Variants in FNBP1L observed in about 807,000 individuals in gnomAD.
FNBP1L encodes the protein formin-binding protein 1-like.
In FNBP1L, 36 loss-of-function variants were observed where a neutral mutation model predicts 91.2. The ratio of observed to expected loss-of-function variants is 0.39; its 90% CI spans 0.30 to 0.52. The LOEUF (loss-of-function observed/expected upper bound fraction) is 0.52. Ranked by LOEUF, FNBP1L falls within the 20% of genes least tolerant of loss-of-function variation. The pLI, the probability that FNBP1L is intolerant of heterozygous loss-of-function variation, is 0.66. For synonymous variants in FNBP1L, 242 were observed against 237.0 expected (o/e 1.02, Z -0.19); for missense variants, 571 against 732.1 (o/e 0.78, Z 2.54).
intron 1 of FNBP1L, among the ~76,000 whole-genome samples, chr1:93,494,308 C>T (rs981442674): frequency 1.3e-5 from 2 of 152,176 alleles, no homozygotes; most frequent in African/African-American, 4.8e-5. Context: ...ATCTTCTGTT[C>T]CTGTGGAGTT....
chr1:93,466,480 T>G (rs1483707074), intron 1 of FNBP1L, among the ~76,000 whole-genome samples: 1 of 152,198 alleles, frequency 6.6e-6, no homozygotes, highest in Non-Finnish European at 1.5e-5. Context: ...ATTTCTTGTT[T>G]TTGTCAGGTT....
At chr1:93,541,705 A>G (rs538600101) in intron 11 of FNBP1L, among the ~76,000 whole-genome samples, 1 of 152,154 alleles carries the variant, frequency 6.6e-6, no homozygotes, top group African/African-American at 2.4e-5. Flanking sequence ...ATAGGAAGCT[A>G]CTGGAAAATA....
At chr1:93,541,568 C>T (rs1211474024) in intron 11 of FNBP1L, among the ~76,000 whole-genome samples, 6 of 111,292 alleles carry the variant, frequency 5.4e-5, no homozygotes, top group African/African-American at 1.1e-4. Context: ...TCTAAATATC[C>T]TGTGTGTGTT....
intron 2 of FNBP1L, among the ~76,000 whole-genome samples, chr1:93,508,861 A>G (rs545960207): frequency 6.6e-6 from 1 of 152,306 alleles, no homozygotes; most frequent in South Asian, 2.1e-4. Context: ...AGGTACTTAG[A>G]GAAGTGTTTA....
In FNBP1L at chr1:93,532,944, G is replaced by T; in HGVS notation, c.662G>T (p.Arg221Leu). ...IYKQLQEMDE[R>L]RTIKLSECYR... Reference sequence around the variant, plus strand: ...TAGCAACTACAAGAAATGGACGAACGAAGGACTATTAAACTCAGTGAGTGT... The same window carrying T: ...TAGCAACTACAAGAAATGGACGAACTAAGGACTATTAAACTCAGTGAGTGT... The change falls in exon 8 of 17, where the codon CGA becomes CTA. Residue 221 changes from arginine to leucine, a missense_variant. By Grantham distance (102) the Arg-to-Leu change is moderately radical. Around this residue, in one of 5 missense-constraint regions of FNBP1L, gnomAD observed 220 missense variants for 313.6 expected, o/e 0.70. Coordinates refer to ENST00000271234, the MANE Select transcript of FNBP1L (RefSeq NM_001164473.3). The T allele has an allele frequency of 6.2e-7, 1 of 1,604,184 alleles. No individual in the cohort carries two copies. Among genetic ancestry groups the T allele is most frequent in the South Asian group, 1.1e-5 (1 of 88,668 alleles).
chr1:93,545,915 A>G (rs1672210334), intron 12 of FNBP1L, among the ~76,000 whole-genome samples: 1 of 152,110 alleles, frequency 6.6e-6, no homozygotes, highest in South Asian at 2.1e-4. Context: ...AGTTTAGGGC[A>G]AAGATAAAGA....
intron 1 of FNBP1L, among the ~76,000 whole-genome samples, chr1:93,492,252 G>A (rs1018934753): frequency 2.6e-5 from 4 of 152,080 alleles, no homozygotes; most frequent in Non-Finnish European, 4.4e-5. Context: ...AATAGAAAAT[G>A]AATTCTTTAT....
chr1:93,547,426 C>T lies in FNBP1L; in HGVS notation c.1487C>T (p.Thr496Ile). 2 of 1,555,474 alleles carry T rather than the reference C, an allele frequency of 1.3e-6. No homozygotes were observed. ...AGCAGTGACATAAATCATCTTGTAA[C>T]ACAGGGACGAGAAAGGTGATTTTTT... is the stretch of plus-strand genomic sequence containing the variant. Reference protein sequence around the residue: ...RHSSDINHLVTQGRESPEGSY... With the variant: ...RHSSDINHLVIQGRESPEGSY... The change falls in exon 14 of 17, where the codon ACA becomes ATA. Residue 496 changes from threonine (T) to isoleucine (I), a missense_variant. Physicochemically the swap from Thr to Ile is moderately conservative, Grantham distance 89. Around this residue, in one of 5 missense-constraint regions of FNBP1L, gnomAD observed 189 missense variants for 219.7 expected, o/e 0.86. Transcript: ENST00000271234.
At chr1:93,487,963 CA>C (rs946312022) in intron 1 of FNBP1L, among the ~76,000 whole-genome samples, 1 of 152,214 alleles carries the variant, frequency 6.6e-6, no homozygotes, top group African/African-American at 2.4e-5. Context: ...AAGGACATCT[CA>C]AATTTAACTG....
intron 1 of FNBP1L, among the ~76,000 whole-genome samples, chr1:93,483,773 AG>A (rs1465519175): frequency 1.3e-5 from 2 of 152,246 alleles, no homozygotes; most frequent in African/African-American, 4.8e-5. Context: ...CCTTCAGATT[AG>A]ATTAGAGCCA....
chr1:93,524,844 T>C (rs1046878770), intron 5 of FNBP1L, among the ~76,000 whole-genome samples: 2 of 152,030 alleles, frequency 1.3e-5, no homozygotes, highest in Non-Finnish European at 2.9e-5. Context: ...GCTCCTGATA[T>C]TGGCCTGCTA....
intron 2 of FNBP1L, among the ~76,000 whole-genome samples, chr1:93,508,495 A>T (rs1467564956): frequency 6.6e-6 from 1 of 152,114 alleles, no homozygotes; most frequent in Non-Finnish European, 1.5e-5. Context: ...TGACCTGTGT[A>T]TGGCATCTGA....
chr1:93,459,971 G>T (rs932154014), intron 1 of FNBP1L, among the ~76,000 whole-genome samples: 3 of 148,508 alleles, frequency 2.0e-5, no homozygotes, highest in African/African-American at 5.0e-5. Context: ...GTGTGTGTGT[G>T]TGTGTGTTTT....
intron 12 of FNBP1L, among the ~76,000 whole-genome samples, chr1:93,546,030 T>C (rs574766785): frequency 3.2e-4 from 49 of 152,190 alleles, no homozygotes; most frequent in Middle Eastern, 3.4e-3. Context: ...TCTGGAGATA[T>C]GCATTTGAAA....
rs566919107 is a variant in FNBP1L, at chr1:93,500,744, A to G, written c.140+1161A>G. ...GCCTCATATATCCACATAATAGTGC[A>G]TGTAACCAACTGACTGGATGTAGGG... is the stretch of plus-strand genomic sequence containing the variant. On this transcript the variant is annotated intron_variant, in intron 2 of 16. Transcript: ENST00000271234. 2.6e-5 allele frequency among the ~76,000 whole-genome samples: 4 copies of G among 152,344 alleles called. 1 individual carries two copies. Among genetic ancestry groups the G allele is most frequent in the Admixed American group, 1.3e-4 (2 of 15,304 alleles).
intron 11 of FNBP1L, chr1:93,543,751 TTTG>T (rs1672123997): frequency 6.4e-6 from 1 of 156,578 alleles, no homozygotes. Context: ...GTGTTTCCAT[TTTG>T]TTGTTGTTGC....
intron 1 of FNBP1L, among the ~76,000 whole-genome samples, chr1:93,492,909 C>T (rs368126024): frequency 5.1e-4 from 78 of 152,110 alleles, no homozygotes; most frequent in African/African-American, 1.7e-3. Flanking sequence ...GAGAATAAAA[C>T]GTAAACAATG....
chr1:93,476,917 A>G (rs1215683241), intron 1 of FNBP1L, among the ~76,000 whole-genome samples: 1 of 152,202 alleles, frequency 6.6e-6, no homozygotes, highest in Non-Finnish European at 1.5e-5. Context: ...GTCATTTAAG[A>G]TACATAAATT....
At chr1:93,549,735 C>T (rs1022789353) in intron 15 of FNBP1L, among the ~76,000 whole-genome samples, 2 of 152,154 alleles carry the variant, frequency 1.3e-5, no homozygotes, top group Admixed American at 6.5e-5. Flanking sequence ...TAAACAAAGT[C>T]GAGGCAGCTT....
Sources: allele counts gnomAD v4.1 joint callset (sites outside exome capture counted in the v4.1 genomes callset), GRCh38; gene constraint gnomAD v4.1.1; regional missense constraint gnomAD v4.1.1; transcripts MANE v1.5; gene names NCBI Gene and HGNC (gene_info 2026-07-23, HGNC 2026-07-21).